The following HYOU1 variants were observed in gnomAD, a reference collection of about 807,000 sequenced individuals.
HYOU1 encodes hypoxia up-regulated protein 1.
A neutral mutation model predicts 120.5 loss-of-function variants in HYOU1; 40 were observed. That is an observed-to-expected ratio of 0.33 (90% CI 0.26 to 0.43). The LOEUF is 0.43. Ranked by LOEUF, HYOU1 falls within the 20% of genes least tolerant of loss-of-function variation. HYOU1 has a pLI of 1.00. For synonymous variants in HYOU1, 501 were observed against 479.4 expected, an observed-to-expected ratio of 1.05 and a Z score of -0.59; for missense variants, 1,085 against 1,278.3, an observed-to-expected ratio of 0.85 and a Z score of 2.31.
In HYOU1 at chr11:119,051,270, C is replaced by T. The variant is rs1443905614; in HGVS notation, c.1527-97G>A. The T allele has an allele frequency of 3.4e-5, 52 of 1,548,366 alleles. No homozygotes were observed. Among genetic ancestry groups the T allele is most frequent in the Non-Finnish European group, 4.4e-5 (50 of 1,133,380 alleles). On this transcript the variant is annotated intron_variant, in intron 13 of 25. Coordinates refer to ENST00000617285, the MANE Select transcript of HYOU1 (RefSeq NM_006389.5). This position sits in a 1 kb window ranked among gnomAD's most constrained non-coding sequence, Gnocchi z 4.2. ...CCTGGCACAAGGTGTCAGGGGCACT[C>T]CCCAAGGGCACACTCAAGAGGACGG...
At chr11:119,046,888 C>G (rs1020431423) in intron 22 of HYOU1, 86 bp from the exon 23 acceptor site, 3 of 1,519,644 alleles carry the variant, frequency 2.0e-6, no homozygotes, top group Admixed American at 1.9e-5. Context: ...CCCCAACCAG[C>G]CTCTTCCCTC....
Position 119,048,067 on chromosome 11 carries a change from T to C in HYOU1, c.2390A>G (p.Lys797Arg), listed in dbSNP as rs2133560688. ...GCACAGCTTCCTCAGCTCAGCCAGC[T>C]TCTCCTTCAACATCTGATGGATGTG... ...VGATTVMLKEKLAELRKLCQG... is the reference protein window; with the variant it reads ...VGATTVMLKERLAELRKLCQG... The change falls in exon 21 of 26, where the codon AAG becomes AGG. Residue 797 changes from lysine to arginine, a missense_variant. This residue lies in a region of HYOU1 where 516 missense variants were observed against 517.1 expected (regional missense o/e 1.00). Coordinates refer to ENST00000617285, the MANE Select transcript of HYOU1 (RefSeq NM_006389.5). The surrounding 1 kb of genome is among the most constrained non-coding windows in gnomAD (Gnocchi z 4.7). 1.9e-6 allele frequency: 3 copies of C among 1,614,198 alleles called. No individual in the cohort carries two copies. The highest frequency in any genetic ancestry group is 1.7e-6 in the Non-Finnish European group (2 of 1,180,036).
Position 119,048,574 on chromosome 11 carries a change from A to C in HYOU1, c.2166-11T>G. On this transcript the variant is annotated splice_polypyrimidine_tract_variant and intron_variant, in intron 18 of 25. Coordinates refer to ENST00000617285, the MANE Select transcript of HYOU1 (RefSeq NM_006389.5). The surrounding 1 kb of genome is among the most constrained non-coding windows in gnomAD (Gnocchi z 4.7). ...GTCAAGTCCTGAAGTCTATGGGACA[A>C]AGGAGGGGTAGGGATGAGGGAGAGG... The C allele has an allele frequency of 6.2e-7, 1 of 1,613,682 alleles. No homozygotes were observed. The highest frequency in any genetic ancestry group is 1.3e-5 in the African/African-American group (1 of 74,994).
chr11:119,054,342 C>A, intron 7 of HYOU1, 106 bp from the exon 8 acceptor site: 1 of 1,208,576 alleles, frequency 8.3e-7, no homozygotes, highest in Admixed American at 1.9e-5. Flanking sequence ...TAACACAAAA[C>A]TAAACAGCTC....
Position 119,045,410 on chromosome 11 carries a change from G to A in HYOU1, c.*183C>T, listed in dbSNP as rs1465972776. The A allele has an allele frequency of 1.5e-5, 11 of 714,562 alleles. No homozygotes were observed. Among genetic ancestry groups the A allele is most frequent in the South Asian group, 1.2e-4 (8 of 68,540 alleles). The allele number at this position is 714,562 out of a possible 1,614,324, so 44.3% of individuals were successfully genotyped here. A position where few individuals can be genotyped will look rare whatever the true frequency, so the allele number is the denominator to read the frequency against. ...AACAGTTTCCATTTTTAACCACAGA[G>A]GTACTGCAGAAGGAACCAGTGAGCT... On this transcript the variant is annotated 3_prime_UTR_variant, in exon 26 of 26. Coordinates refer to ENST00000617285, the MANE Select transcript of HYOU1 (RefSeq NM_006389.5).
Position 119,050,719 on chromosome 11 carries a change from C to CAAAAAAAAAAA in HYOU1, c.1665+315_1665+316insTTTTTTTTTTT, listed in dbSNP as rs1944379626. On this transcript the variant is annotated intron_variant, in intron 14 of 25. Transcript: ENST00000617285. ...TTAAGTAACAGAGCCAAGACCCTCT[C>CAAAAAAAAAAA]CAAAAAAAAAAAAAAAAAAAAAAAA... is the stretch of plus-strand genomic sequence containing the variant. Among the ~76,000 whole-genome samples, 3 of 52,872 alleles carry CAAAAAAAAAAA rather than the reference C, an allele frequency of 5.7e-5. 1 individual carries two copies. The highest frequency in any genetic ancestry group is 1.1e-4 in the Non-Finnish European group (3 of 26,900). The allele number at this position is 52,872 out of a possible 152,430, so 34.7% of individuals were successfully genotyped here.
At chr11:119,056,388 C>T in intron 1 of HYOU1, 1 of 638,268 alleles carries the variant, frequency 1.6e-6, no homozygotes, top group East Asian at 3.1e-5. Flanking sequence ...AGCATGGGTC[C>T]TCGGCTTTGC....
rs1358866474 is a variant in HYOU1, at chr11:119,045,433, G to A, written c.*160C>T. ...GAGGTACTGCAGAAGGAACCAGTGA[G>A]CTGTCCCTCCCTTCCCCTTCTCCAC... On this transcript the variant is annotated 3_prime_UTR_variant, in exon 26 of 26. Coordinates refer to ENST00000617285, the MANE Select transcript of HYOU1 (RefSeq NM_006389.5). 2.7e-6 allele frequency: 2 copies of A among 750,706 alleles called. No individual in the cohort carries two copies. The highest frequency in any genetic ancestry group is 1.9e-5 in the Admixed American group (1 of 52,552). The allele number at this position is 750,706 out of a possible 1,614,324, so 46.5% of individuals were successfully genotyped here.
Position 119,049,576 on chromosome 11 carries a change from T to A in HYOU1, c.1786A>T (p.Asn596Tyr), listed in dbSNP as rs2133574126. 1 of 1,614,054 alleles carries A rather than the reference T, an allele frequency of 6.2e-7. No individual in the cohort carries two copies. Among genetic ancestry groups the A allele is most frequent in the South Asian group, 1.1e-5 (1 of 91,074 alleles). ...CTCACCTGGACAGTATCAGTACCAT[T>A]CTCCTTGGCATCTGGTGTGGTACCG... ...GGGTTPDAKE[N>Y]GTDTVQEEEE... The change falls in exon 16 of 26, where the codon AAT becomes TAT. Residue 596 changes from asparagine to tyrosine, a missense_variant. Physicochemically the swap from Asn to Tyr is moderately radical, Grantham distance 143. Transcript: ENST00000617285.
intron 8 of HYOU1, 193 bp downstream of exon 8, chr11:119,053,928 T>G: frequency 2.0e-6 from 1 of 509,108 alleles, no homozygotes; most frequent in Non-Finnish European, 3.5e-6. Context: ...GTCTTCCAGT[T>G]TTCCCAAACT....
chr11:119,054,326 G>A (rs1944626402), intron 7 of HYOU1, 90 bp from the exon 8 acceptor site: 3 of 1,235,156 alleles, frequency 2.4e-6, no homozygotes, highest in African/African-American at 1.5e-5. Context: ...TGGGCTGTCT[G>A]ACTCTTAACA....
chr11:119,053,973 T>C, intron 8 of HYOU1, 148 bp downstream of exon 8: 1 of 596,372 alleles, frequency 1.7e-6, no homozygotes, highest in East Asian at 2.8e-5. Flanking sequence ...CCTTACTCTT[T>C]GTGAGTGGTC....
At chr11:119,054,726 G>T in intron 6 of HYOU1, 51 bp from the exon 7 acceptor site, 1 of 1,554,582 alleles carries the variant, frequency 6.4e-7, no homozygotes, top group South Asian at 1.1e-5. Flanking sequence ...CTTAGATGAG[G>T]GCTTCTAATC....
Position 119,048,582 on chromosome 11 carries a change from G to T in HYOU1, c.2166-19C>A, listed in dbSNP as rs2133565581. 2.5e-6 allele frequency: 4 copies of T among 1,613,018 alleles called. No homozygotes were observed. The East Asian group carries it at 8.9e-5, about 36-fold the overall frequency. ...CTGAAGTCTATGGGACAAAGGAGGG[G>T]TAGGGATGAGGGAGAGGGCAAGTGA... is the stretch of plus-strand genomic sequence containing the variant. On this transcript the variant is annotated intron_variant, in intron 18 of 25. Transcript: ENST00000617285. This position sits in a 1 kb window ranked among gnomAD's most constrained non-coding sequence, Gnocchi z 4.7.
At position 119,044,460 on chromosome 11, in the gene HYOU1, A is replaced by C. The variant is rs1015439520; in HGVS notation, c.*1133T>G. On this transcript the variant is annotated 3_prime_UTR_variant, in exon 26 of 26. Transcript: ENST00000617285. ...CAGCCCTAGCTCCTGCTACAGACGG[A>C]ATACTGGAGGACGGGCTCCCTAGGC... The C allele has an allele frequency of 3.3e-5, 5 of 152,582 alleles. No individual in the cohort carries two copies. 9.5% of individuals were successfully genotyped at this position (152,582 alleles called of 1,614,324 possible).
intron 25 of HYOU1, 45 bp from the exon 26 acceptor site, chr11:119,045,699 A>C: frequency 6.2e-7 from 1 of 1,613,264 alleles, no homozygotes; most frequent in Non-Finnish European, 8.5e-7. Context: ...CAGGTGAAAC[A>C]GAGGAACCAA....
chr11:119,052,511 G>A lies in HYOU1; in HGVS notation c.988-82C>T, dbSNP rs2133593542. On this transcript the variant is annotated intron_variant, in intron 9 of 25. Transcript: ENST00000617285. The surrounding 1 kb of genome is among the most constrained non-coding windows in gnomAD (Gnocchi z 5.0). ...AGTAGGACAGAAACAAAAAGAATAG[G>A]TCTTTGGGAGGATGGTAGCGGGAGG... 17 of 1,597,900 alleles carry A rather than the reference G, an allele frequency of 1.1e-5. No homozygotes were observed. The African/African-American group carries it at 1.3e-4, about 13-fold the overall frequency.
In HYOU1 at chr11:119,055,840, G is replaced by A; in HGVS notation, c.95C>T (p.Thr32Ile). The change falls in exon 3 of 26, where the codon ACA becomes ATA. Residue 32 changes from threonine to isoleucine, a missense_variant. Thr to Ile is a moderately conservative substitution (Grantham distance 89). Transcript: ENST00000617285. This position sits in a 1 kb window ranked among gnomAD's most constrained non-coding sequence, Gnocchi z 4.0. ...CAGGTCCACAGACATCACTGCCAGTGTATCTGAAGGGAAAAGAGGTTTGTC... is the reference window on the plus strand; with the variant it reads ...CAGGTCCACAGACATCACTGCCAGTATATCTGAAGGGAAAAGAGGTTTGTC... ...LLADLLALSD[T>I]LAVMSVDLGS... The A allele has an allele frequency of 6.2e-7, 1 of 1,613,544 alleles. No homozygotes were observed. Among genetic ancestry groups the A allele is most frequent in the Non-Finnish European group, 8.5e-7 (1 of 1,179,414 alleles).
In HYOU1 at chr11:119,051,373, T is replaced by C; in HGVS notation, c.1526+65A>G. Reference sequence around the variant, plus strand: ...CCACATCCTCCCTCACCCCCAGTCCTCAGATTATCCAGCAGCCACGCCTCC... The same window carrying C: ...CCACATCCTCCCTCACCCCCAGTCCCCAGATTATCCAGCAGCCACGCCTCC... On this transcript the variant is annotated intron_variant, in intron 13 of 25. Transcript: ENST00000617285. The surrounding 1 kb of genome is among the most constrained non-coding windows in gnomAD (Gnocchi z 4.2). 1 of 1,563,310 alleles carries C rather than the reference T, an allele frequency of 6.4e-7. No individual in the cohort carries two copies. Among genetic ancestry groups the C allele is most frequent in the Non-Finnish European group, 8.8e-7 (1 of 1,141,616 alleles).
Sources: allele counts gnomAD v4.1 joint callset (sites outside exome capture counted in the v4.1 genomes callset), GRCh38; gene constraint gnomAD v4.1.1; regional missense constraint gnomAD v4.1.1; non-coding constraint Gnocchi (gnomAD v3.1); transcripts MANE v1.5; gene names NCBI Gene and HGNC (gene_info 2026-07-23, HGNC 2026-07-21).